The following YWHAH variants were observed in gnomAD, a reference collection of about 807,000 sequenced individuals.
The protein encoded by YWHAH is 14-3-3 protein eta.
A neutral mutation model predicts 22.9 loss-of-function variants in YWHAH; 6 were observed. That is an observed-to-expected ratio of 0.26 (90% CI 0.14 to 0.52). The LOEUF (loss-of-function observed/expected upper bound fraction) is 0.52, where lower values mean the gene tolerates loss of function less well. Ranked by LOEUF, YWHAH falls within the 20% of genes least tolerant of loss-of-function variation. The probability of loss-of-function intolerance (pLI) is 0.97; values close to 1 mark genes in which losing one functional copy is unlikely to be tolerated. For missense variants in YWHAH, 173 were observed against 308.6 expected (o/e 0.56, Z 3.29); for synonymous variants, 135 against 124.5 (o/e 1.08, Z -0.56).
intron 1 of YWHAH, among the ~76,000 whole-genome samples, chr22:31,948,484 T>C (rs1404760970): frequency 6.6e-6 from 1 of 152,024 alleles, no homozygotes; most frequent in Non-Finnish European, 1.5e-5. Context: ...CTTGAGCTCC[T>C]GGGCTCAAGT....
intron 1 of YWHAH, among the ~76,000 whole-genome samples, chr22:31,951,913 T>C (rs1317810688): frequency 2.0e-5 from 3 of 151,974 alleles, no homozygotes; most frequent in Admixed American, 2.0e-4. Flanking sequence ...AGGAAGGGTG[T>C]AAGTAGGATT....
chr22:31,947,101 GTCTC>G (rs1177229021), intron 1 of YWHAH, among the ~76,000 whole-genome samples: 1 of 152,212 alleles, frequency 6.6e-6, no homozygotes, highest in Non-Finnish European at 1.5e-5. Flanking sequence ...GGATGACTCA[GTCTC>G]TATGTTATTA....
chr22:31,953,501 C>T (rs2093845874), intron 1 of YWHAH, among the ~76,000 whole-genome samples: 1 of 152,116 alleles, frequency 6.6e-6, no homozygotes, highest in Non-Finnish European at 1.5e-5. Flanking sequence ...ATGTGACCCT[C>T]TGATGTGGGC....
chr22:31,946,902 G>A (rs1457022681), intron 1 of YWHAH, among the ~76,000 whole-genome samples: 1 of 152,180 alleles, frequency 6.6e-6, no homozygotes, highest in Non-Finnish European at 1.5e-5. Context: ...GCGTAGAAGA[G>A]TCAATCCAAG....
chr22:31,951,814 C>G (rs1215574479), intron 1 of YWHAH, among the ~76,000 whole-genome samples: 1 of 152,128 alleles, frequency 6.6e-6, no homozygotes, highest in African/African-American at 2.4e-5. Context: ...GTGAGTAAAA[C>G]TGGCTGACAG....
In YWHAH at chr22:31,956,317, T is replaced by C. The variant is rs568392674; in HGVS notation, c.266T>C (p.Ile89Thr). ...AAAGTTAAAGCTTACCGGGAGAAGA[T>C]TGAGAAGGAGCTGGAGACAGTTTGC... ...LEKVKAYREK[I>T]EKELETVCND... The change falls in exon 2 of 2, where the codon ATT becomes ACT. Residue 89 changes from isoleucine (I) to threonine (T), a missense_variant. Physicochemically the swap from Ile to Thr is moderately conservative, Grantham distance 89 (BLOSUM62 -1). Transcript: ENST00000248975. This position sits in a 1 kb window ranked among gnomAD's most constrained non-coding sequence, Gnocchi z 5.1. 6.2e-7 allele frequency: 1 copy of C among 1,614,054 alleles called. No individual in the cohort carries two copies. Among genetic ancestry groups the C allele is most frequent in the South Asian group, 1.1e-5 (1 of 91,076 alleles).
rs1026555253 is a variant in YWHAH, at chr22:31,944,647, C to T, written c.-87C>T. 159 of 1,088,964 alleles carry T rather than the reference C, an allele frequency of 1.5e-4. No individual in the cohort carries two copies. Among genetic ancestry groups the T allele is most frequent in the Non-Finnish European group, 1.8e-4 (156 of 874,604 alleles). 67.5% of individuals were successfully genotyped at this position (1,088,964 alleles called of 1,614,324 possible). On this transcript the variant is annotated 5_prime_UTR_variant, in exon 1 of 2. Transcript: ENST00000248975. The stretch of plus-strand genomic sequence containing the variant: ...CAGTGCGCGTGCGCGGCGGCGGCCT[C>T]CGCAGCGACCGGGGAGCGGACTGAC...
At chr22:31,948,899 T>C (rs1319418129) in intron 1 of YWHAH, among the ~76,000 whole-genome samples, 1 of 152,152 alleles carries the variant, frequency 6.6e-6, no homozygotes, top group African/African-American at 2.4e-5. Flanking sequence ...CCCATGTGGG[T>C]TTGGGTCCCT....
chr22:31,945,312 C>G, intron 1 of YWHAH: 1 of 1,208,280 alleles, frequency 8.3e-7, no homozygotes, highest in South Asian at 1.5e-5. Context: ...TTGCTCTGCT[C>G]GTTCGAATTG....
chr22:31,946,585 A>AC (rs779217448), intron 1 of YWHAH, among the ~76,000 whole-genome samples: 13 of 152,192 alleles, frequency 8.5e-5, no homozygotes, highest in Non-Finnish European at 1.8e-4. Context: ...GAAAGGAGGG[A>AC]CGAGGTTTAA....
intron 1 of YWHAH, chr22:31,945,528 C>G (rs189289525): frequency 7.3e-5 from 95 of 1,304,148 alleles, no homozygotes; most frequent in Non-Finnish European, 4.0e-6. Flanking sequence ...TCTTTGCATT[C>G]CTGAGACCCT....
chr22:31,952,542 AC>A lies in YWHAH; in HGVS notation c.88-3596del, dbSNP rs368132283. Among the ~76,000 whole-genome samples, 967 of 152,318 alleles carry A rather than the reference AC, an allele frequency of 6.3e-3. 7 individuals are homozygous for A. The highest frequency in any genetic ancestry group is 0.022 in the African/African-American group (910 of 41,560). On this transcript the variant is annotated intron_variant, in intron 1 of 1. Transcript: ENST00000248975. ...TTATAACCCAGGAGTATTAAAAAATACTGTATTTAAATGTATCCAGTTATTT... is the reference window on the plus strand; with the variant it reads ...TTATAACCCAGGAGTATTAAAAAATATGTATTTAAATGTATCCAGTTATTT...
intron 1 of YWHAH, among the ~76,000 whole-genome samples, chr22:31,953,643 G>A (rs1386242073): frequency 2.0e-5 from 3 of 152,198 alleles, no homozygotes; most frequent in Non-Finnish European, 2.9e-5. Context: ...TTTAAGGGGA[G>A]CATGGATTGT....
chr22:31,956,408 CAAGGTGTTTTACCTGA>C lies in YWHAH; in HGVS notation c.360_375del (p.Val121Ter), dbSNP rs759467778. 1 of 1,614,126 alleles carries C rather than the reference CAAGGTGTTTTACCTGA, an allele frequency of 6.2e-7. No individual in the cohort carries two copies. Among genetic ancestry groups the C allele is most frequent in the Non-Finnish European group, 8.5e-7 (1 of 1,180,030 alleles). On this transcript the variant is annotated frameshift_variant, in exon 2 of 2. Coordinates refer to ENST00000248975, the MANE Select transcript of YWHAH (RefSeq NM_003405.4). LOFTEE classifies it high-confidence loss of function. The surrounding 1 kb of genome is among the most constrained non-coding windows in gnomAD (Gnocchi z 5.1). The stretch of plus-strand genomic sequence containing the variant: ...ACTGCAATGATTTCCAGTATGAGAG[CAAGGTGTTTTACCTGA>C]AAATGAAGGGTGATTACTACCGCTA...
In YWHAH at chr22:31,956,286, T is replaced by C; in HGVS notation, c.235T>C (p.Leu79=). The C allele has an allele frequency of 6.2e-7, 1 of 1,614,030 alleles. No homozygotes were observed. Among genetic ancestry groups the C allele is most frequent in the South Asian group, 1.1e-5 (1 of 91,072 alleles). ...CATGGCTGATGGAAACGAAAAGAAA[T>C]TGGAGAAAGTTAAAGCTTACCGGGA... ...KTMADGNEKK[L]EKVKAYREKI... The change falls in exon 2 of 2, where the codon TTG becomes CTG. Residue 79 remains leucine (L), a synonymous_variant. Coordinates refer to ENST00000248975, the MANE Select transcript of YWHAH (RefSeq NM_003405.4). This position sits in a 1 kb window ranked among gnomAD's most constrained non-coding sequence, Gnocchi z 5.1.
Position 31,956,818 on chromosome 22 carries a change from C to T in YWHAH, c.*26C>T. ...AGATCCTTCAGGTCCCCTGGCCCTTCCTTCACCCACCACCCCCATCATCAC... is the reference window on the plus strand; with the variant it reads ...AGATCCTTCAGGTCCCCTGGCCCTTTCTTCACCCACCACCCCCATCATCAC... On this transcript the variant is annotated 3_prime_UTR_variant, in exon 2 of 2. Transcript: ENST00000248975. The surrounding 1 kb of genome is among the most constrained non-coding windows in gnomAD (Gnocchi z 5.1). 5 of 1,539,464 alleles carry T rather than the reference C, an allele frequency of 3.2e-6. No individual in the cohort carries two copies. Among genetic ancestry groups the T allele is most frequent in the Non-Finnish European group, 4.4e-6 (5 of 1,142,594 alleles).
intron 1 of YWHAH, chr22:31,945,794 C>G (rs1241928429): frequency 1.2e-6 from 1 of 841,644 alleles, no homozygotes; most frequent in Non-Finnish European, 1.6e-6. Flanking sequence ...CCTTGAACTC[C>G]GCCTTAGACC....
chr22:31,947,991 T>C (rs1045224574), intron 1 of YWHAH, among the ~76,000 whole-genome samples: 1 of 152,232 alleles, frequency 6.6e-6, no homozygotes. Flanking sequence ...TTAACACTGA[T>C]ACACCAGTTG....
intron 1 of YWHAH, chr22:31,945,346 T>C: frequency 8.0e-7 from 1 of 1,250,232 alleles, no homozygotes; most frequent in African/African-American, 1.5e-5. Flanking sequence ...TTCCCACGCC[T>C]GGGGGTCTGG....
Sources: gnomAD v4.1 joint callset for allele counts (sites outside exome capture counted in the v4.1 genomes callset) on GRCh38, gnomAD v4.1.1 for gene constraint, Gnocchi (gnomAD v3.1) non-coding constraint, MANE v1.5 for transcripts, NCBI Gene and HGNC (gene_info 2026-07-23, HGNC 2026-07-21) for gene names.